The following SPTBN5 variants were observed in gnomAD, a reference collection of about 807,000 sequenced individuals.
SPTBN5 encodes the protein spectrin beta, non-erythrocytic 5, also known as spectrin beta chain, non-erythrocytic 5.
A neutral mutation model predicts 477.6 loss-of-function variants in SPTBN5; 513 were observed. That is an observed-to-expected ratio of 1.07 (90% confidence interval 1.00 to 1.16). SPTBN5 has a LOEUF of 1.16. Among genes scored for constraint, SPTBN5 ranks in the 50% most tolerant of loss-of-function variants. SPTBN5 has a pLI of 0.00. For synonymous variants in SPTBN5, 2,169 were observed against 2,011.7 expected (o/e 1.08, Z -2.09); for missense variants, 5,062 against 4,731.8 (o/e 1.07, Z -2.05).
At chr15:41,876,330 G>A in intron 20 of SPTBN5, 46 bp from the exon 21 acceptor site, 1 of 1,498,088 alleles carries the variant, frequency 6.7e-7, no homozygotes, top group Non-Finnish European at 8.9e-7. Flanking sequence ...CGGTGGGTGG[G>A]GGCTGGTGCC....
At chr15:41,857,186 G>A (rs1168464405) in intron 51 of SPTBN5, 52 bp downstream of exon 51, 8 of 1,546,806 alleles carry the variant, frequency 5.2e-6, no homozygotes, top group South Asian at 2.5e-5. Flanking sequence ...GCAGGGGTGG[G>A]GGTCCCTCCA....
chr15:41,850,041 T>G, intron 66 of SPTBN5, 82 bp from the exon 67 acceptor site: 7 of 1,176,892 alleles, frequency 5.9e-6, no homozygotes, highest in Non-Finnish European at 7.4e-6. Flanking sequence ...TCCTCCAGCT[T>G]CTGGAGGCTC....
chr15:41,885,276 G>A (rs550239134), intron 7 of SPTBN5, among the ~76,000 whole-genome samples: 2 of 152,262 alleles, frequency 1.3e-5, no homozygotes, highest in South Asian at 2.1e-4. Context: ...CGCCTGCTAC[G>A]GCCTCCCAAC....
At chr15:41,865,460 C>T (rs770432226) in intron 39 of SPTBN5, among the ~76,000 whole-genome samples, 5 of 152,232 alleles carry the variant, frequency 3.3e-5, no homozygotes, top group Non-Finnish European at 2.9e-5. Context: ...ACAAAGCTGA[C>T]GTTGGTGTAA....
chr15:41,872,307 G>A lies in SPTBN5; in HGVS notation c.5160C>T (p.Ala1720=), dbSNP rs2066571763. 1 of 1,610,408 alleles carries A rather than the reference G, an allele frequency of 6.2e-7. No individual in the cohort carries two copies. Among genetic ancestry groups the A allele is most frequent in the Non-Finnish European group, 8.5e-7 (1 of 1,179,460 alleles). ...AGGGGTTATGGTGTCCTCACCGTGT[G>A]GCCGCCAACTCCTGCAGTGCCCGCA... ...EQLRALQELA[A]TRDRELEGTL... is the part of the protein sequence containing the mutation. The change falls in exon 27 of 68, where the codon GCC becomes GCT. Residue 1720 remains alanine (A), a synonymous_variant. Transcript: ENST00000320955.
At chr15:41,867,973 A>G in intron 34 of SPTBN5, 96 bp downstream of exon 34, 1 of 1,436,060 alleles carries the variant, frequency 7.0e-7, no homozygotes, top group South Asian at 1.4e-5. Flanking sequence ...ATTAGAGAAA[A>G]AGCCAGAGAG....
At chr15:41,876,454 G>T in intron 20 of SPTBN5, 94 bp downstream of exon 20, 1 of 1,344,190 alleles carries the variant, frequency 7.4e-7, no homozygotes, top group Non-Finnish European at 1.0e-6. Context: ...GACATAGCGC[G>T]TGAGGAAAGT....
In SPTBN5 at chr15:41,890,351, C is replaced by T. The variant is rs2075351657; in HGVS notation, c.385-146G>A. The T allele has an allele frequency of 4.7e-6, 3 of 644,914 alleles. No individual in the cohort carries two copies. The Admixed American group carries it at 7.3e-5, about 16-fold the overall frequency. 39.9% of individuals were successfully genotyped at this position (644,914 alleles called of 1,614,324 possible). On this transcript the variant is annotated intron_variant, in intron 3 of 67. Coordinates refer to ENST00000320955, the MANE Select transcript of SPTBN5 (RefSeq NM_016642.4). Reference sequence around the variant, plus strand: ...GGGAGTTCCCTCAGGGAGAAGCAGGCAGGGGATAAGTCCAGGAAAGCAAAG... The same window carrying T: ...GGGAGTTCCCTCAGGGAGAAGCAGGTAGGGGATAAGTCCAGGAAAGCAAAG...
chr15:41,885,821 G>T lies in SPTBN5; in HGVS notation c.1434C>A (p.Pro478=), dbSNP rs1163023413. ...RLGMLEAGIL[P]QEGRFQALAE... Reference sequence around the variant, plus strand: ...CCAGGGCCTGGAAGCGCCCCTCCTGGGGCAGGATGCCAGCCTCCAGCATGC... The same window carrying T: ...CCAGGGCCTGGAAGCGCCCCTCCTGTGGCAGGATGCCAGCCTCCAGCATGC... Residue 478 remains proline (P), a synonymous_variant, in exon 7 of 68, where the codon CCC becomes CCA. Transcript: ENST00000320955. The T allele has an allele frequency of 1.3e-6, 2 of 1,558,804 alleles. No individual in the cohort carries two copies. The highest frequency in any genetic ancestry group is 4.8e-5 in the East Asian group (2 of 41,466).
In SPTBN5 at chr15:41,855,187, G is replaced by T. The variant is rs755319014; in HGVS notation, c.9423+37C>A. ...CCAGGGCAGGCCTTCCTCAGCCTCT[G>T]CCCACTCCCCGTGAGGTTTGCTCAG... On this transcript the variant is annotated intron_variant, in intron 55 of 67. Coordinates refer to ENST00000320955, the MANE Select transcript of SPTBN5 (RefSeq NM_016642.4). The T allele has an allele frequency of 1.9e-6, 3 of 1,581,024 alleles. No individual in the cohort carries two copies. In the Admixed American group the frequency reaches 5.1e-5, roughly 27 times the overall value.
chr15:41,857,444 G>A lies in SPTBN5; in HGVS notation c.8415C>T (p.Pro2805=), dbSNP rs757877343. 2 of 1,607,868 alleles carry A rather than the reference G, an allele frequency of 1.2e-6. No individual in the cohort carries two copies. Among genetic ancestry groups the A allele is most frequent in the South Asian group, 2.2e-5 (2 of 89,836 alleles). ...SMEELENWLE[P]IEVELRAPTV... ...TGGGGGCTCTCAGCTCAACCTCGAT[G>A]GGCTCCAGCCAGTTCTCCAGTTCCT... is the stretch of plus-strand genomic sequence containing the variant. Residue 2805 remains proline, a synonymous_variant, in exon 51 of 68, where the codon CCC becomes CCT. Coordinates refer to ENST00000320955, the MANE Select transcript of SPTBN5 (RefSeq NM_016642.4).
At chr15:41,860,491 G>A in intron 47 of SPTBN5, 95 bp downstream of exon 47, 4 of 1,282,282 alleles carry the variant, frequency 3.1e-6, no homozygotes, top group Non-Finnish European at 3.0e-6. Context: ...GGTGAGCCTG[G>A]GCCAAGTAGT....
Position 41,863,704 on chromosome 15 carries a change from C to A in SPTBN5, c.7149G>T (p.Lys2383Asn). 2 of 1,612,476 alleles carry A rather than the reference C, an allele frequency of 1.2e-6. No individual in the cohort carries two copies. Among genetic ancestry groups the A allele is most frequent in the African/African-American group, 1.3e-5 (1 of 75,030 alleles). The change falls in exon 41 of 68, where the codon AAG becomes AAT. Residue 2383 changes from lysine to asparagine, a missense_variant and splice_region_variant. By Grantham distance (94) the Lys-to-Asn change is moderately conservative. Coordinates refer to ENST00000320955, the MANE Select transcript of SPTBN5 (RefSeq NM_016642.4). ...ACCGGGACCTCTTTCCACCACGTACCTTCTCCTGAATCCTCTTGGTGACAT... is the reference window on the plus strand; with the variant it reads ...ACCGGGACCTCTTTCCACCACGTACATTCTCCTGAATCCTCTTGGTGACAT... ...LDNVTKRIQE[K>N]EALIQALDCG...
At chr15:41,892,770 T>C (rs2067351554) in intron 3 of SPTBN5, 124 bp downstream of exon 3, 3 of 1,141,902 alleles carry the variant, frequency 2.6e-6, no homozygotes, top group Non-Finnish European at 2.4e-6. Flanking sequence ...CCACTCCTCC[T>C]GTACTCAGGC....
chr15:41,850,008 A>T (rs2065698947), intron 66 of SPTBN5, 49 bp from the exon 67 acceptor site: 2 of 1,463,868 alleles, frequency 1.4e-6, no homozygotes, highest in Non-Finnish European at 1.9e-6. Context: ...GACCATCTGC[A>T]GGCGCCAGGT....
intron 53 of SPTBN5, 140 bp from the exon 54 acceptor site, chr15:41,855,885 C>G (rs2065917555): frequency 2.3e-6 from 2 of 867,240 alleles, no homozygotes; most frequent in Non-Finnish European, 3.4e-6. Flanking sequence ...CACTCCTAAG[C>G]AGCCTCATCT....
In SPTBN5 at chr15:41,858,758, T is replaced by A; in HGVS notation, c.8080-10A>T. 1 of 1,608,206 alleles carries A rather than the reference T, an allele frequency of 6.2e-7. No individual in the cohort carries two copies. Among genetic ancestry groups the A allele is most frequent in the Non-Finnish European group, 8.5e-7 (1 of 1,177,890 alleles). On this transcript the variant is annotated splice_polypyrimidine_tract_variant and intron_variant, in intron 48 of 67. Coordinates refer to ENST00000320955, the MANE Select transcript of SPTBN5 (RefSeq NM_016642.4). Reference sequence around the variant, plus strand: ...TCAGCCACGCAGCCACCTGGGCACATGGGGAGGACAGGCCTGCTGTCCAGG... The same window carrying A: ...TCAGCCACGCAGCCACCTGGGCACAAGGGGAGGACAGGCCTGCTGTCCAGG...
chr15:41,854,848 T>C lies in SPTBN5; in HGVS notation c.9552A>G (p.Gln3184=), dbSNP rs1479398575. The change falls in exon 56 of 68, where the codon CAA becomes CAG. Residue 3184 remains glutamine (Q), a synonymous_variant. Transcript: ENST00000320955. ...CAGCCTCAATGCGGCTCCTCTGGGC[T>C]TGGATGTGGGGATAGCGCCTGGGTG... is the stretch of plus-strand genomic sequence containing the variant. ...RGAPRRYPHI[Q]AQRSRIEAAW... 1 of 1,607,518 alleles carries C rather than the reference T, an allele frequency of 6.2e-7. No individual in the cohort carries two copies. The highest frequency in any genetic ancestry group is 8.5e-7 in the Non-Finnish European group (1 of 1,176,760).
At chr15:41,849,284 C>T (rs1337123545) in intron 67 of SPTBN5, among the ~76,000 whole-genome samples, 1 of 152,174 alleles carries the variant, frequency 6.6e-6, no homozygotes, top group Non-Finnish European at 1.5e-5. Context: ...ACTGAGGAGC[C>T]AGGTAAGAGC....
Sources: allele counts gnomAD v4.1 joint callset (sites outside exome capture counted in the v4.1 genomes callset), GRCh38; gene constraint gnomAD v4.1.1; transcripts MANE v1.5; gene names NCBI Gene and HGNC (gene_info 2026-07-23, HGNC 2026-07-21).